The following SFTPC variants were observed in gnomAD, a reference collection of about 807,000 sequenced individuals.
SFTPC encodes the protein BRICHOS domain containing 6.
Under a neutral mutation model 19.9 loss-of-function variants are expected in SFTPC, and 12 were observed. The observed-to-expected ratio is 0.60, with a 90% CI of 0.39 to 0.98. The LOEUF is 0.98. Among genes scored for constraint, SFTPC ranks in the 50% least tolerant of loss-of-function variants. The probability of loss-of-function intolerance (pLI) is 0.00; values close to 1 mark genes in which losing one functional copy is unlikely to be tolerated. For synonymous variants in SFTPC, 123 were observed against 103.3 expected (o/e 1.19, Z -1.16); for missense variants, 219 against 252.2 (o/e 0.87, Z 0.89).
At chr8:22,159,794 G>C (rs1375358554), upstream of SFTPC, 3 of 1,289,374 alleles carry the variant, frequency 2.3e-6, no homozygotes, top group African/African-American at 3.0e-5. Flanking sequence ...GGGACCCCGA[G>C]ATGCCTGCAG....
chr8:22,161,970 C>A (rs1827747904), intron 1 of SFTPC, 100 bp downstream of exon 1: 5 of 1,222,176 alleles, frequency 4.1e-6, no homozygotes, highest in South Asian at 3.7e-5. Flanking sequence ...TTATCCAGAT[C>A]CATTCACTCA....
At chr8:22,159,891 G>T, upstream of SFTPC, 1 of 1,159,842 alleles carries the variant, frequency 8.6e-7, no homozygotes, top group Non-Finnish European at 1.1e-6. Context: ...TTGCCAGGAT[G>T]ATGGGGGCGG....
Position 22,164,334 on chromosome 8 carries a change from GGCAAGAAGC to G in SFTPC, c.*88_*96del, listed in dbSNP as rs1223167942. 2.0e-6 allele frequency: 3 copies of G among 1,536,162 alleles called. No homozygotes were observed. The highest frequency in any genetic ancestry group is 2.6e-6 in the Non-Finnish European group (3 of 1,146,908). Reference sequence around the variant, plus strand: ...GGGTCTTTTGCAGCTTTTGCAGACGGGCAAGAAGCTGCTTCTGCCCACACCGCAGGGACA... The same window carrying G: ...GGGTCTTTTGCAGCTTTTGCAGACGGTGCTTCTGCCCACACCGCAGGGACA... On this transcript the variant is annotated 3_prime_UTR_variant, in exon 6 of 6. Transcript: ENST00000679463.
At chr8:22,157,472 C>A (rs1827543199), upstream of SFTPC, 1 of 155,262 alleles carries the variant, frequency 6.4e-6, no homozygotes, top group African/African-American at 2.4e-5. Flanking sequence ...TTAATCCTCT[C>A]AATCGTTTGA....
Position 22,163,171 on chromosome 8 carries a change from C to T in SFTPC, c.293C>T (p.Ser98Phe). Residue 98 changes from serine to phenylalanine, a missense_variant, in exon 3 of 6, where the codon TCC becomes TTC. By Grantham distance (155) the Ser-to-Phe change is radical. Coordinates refer to ENST00000679463, the MANE Select transcript of SFTPC (RefSeq NM_001317778.2). Reference protein sequence around the residue: ...LVTTATFSIGSTGLVVYDYQQ... With the variant: ...LVTTATFSIGFTGLVVYDYQQ... ...ACCACTGCCACCTTCTCCATCGGCT[C>T]CACTGGCCTCGTGGTGTATGACTAC... 6.2e-7 allele frequency: 1 copy of T among 1,614,212 alleles called. No individual in the cohort carries two copies. Among genetic ancestry groups the T allele is most frequent in the Non-Finnish European group, 8.5e-7 (1 of 1,180,046 alleles).
rs565516076 is a variant in SFTPC, at chr8:22,162,217, GA to G, written c.42+349del. Among the ~76,000 whole-genome samples, 20 of 152,286 alleles carry G rather than the reference GA, an allele frequency of 1.3e-4. 1 individual carries two copies. In the South Asian group the frequency reaches 4.1e-3, roughly 32 times the overall value. ...AGGAGCTCGCCCGGTGGAGAAGGAGGAAGGCATTCCAGGAAGGAGGGAGACT... is the reference window on the plus strand; with the variant it reads ...AGGAGCTCGCCCGGTGGAGAAGGAGGAGGCATTCCAGGAAGGAGGGAGACT... On this transcript the variant is annotated intron_variant, in intron 1 of 5. Transcript: ENST00000679463.
chr8:22,161,725 A>C (rs1827726558), upstream of SFTPC: 1 of 1,611,362 alleles, frequency 6.2e-7, no homozygotes, highest in Non-Finnish European at 8.5e-7. Context: ...GCTGGCACAC[A>C]GGGGGCTTGG....
At chr8:22,160,626 A>C (rs1273565070), upstream of SFTPC, among the ~76,000 whole-genome samples, 2 of 152,060 alleles carry the variant, frequency 1.3e-5, no homozygotes, top group African/African-American at 4.8e-5. Context: ...AAAACAAAAC[A>C]AAACAAAACA....
At chr8:22,158,654 T>C (rs990776308), upstream of SFTPC, 11 of 152,246 alleles carry the variant, frequency 7.2e-5, no homozygotes, top group Non-Finnish European at 1.5e-4. Context: ...CCCATGATGC[T>C]ATTAGGTCCT....
Position 22,163,069 on chromosome 8 carries a change from C to G in SFTPC, c.202-11C>G, listed in dbSNP as rs1160642368. 4.3e-6 allele frequency: 7 copies of G among 1,613,850 alleles called. No individual in the cohort carries two copies. Among genetic ancestry groups the G allele is most frequent in the Non-Finnish European group, 5.9e-6 (7 of 1,179,950 alleles). On this transcript the variant is annotated splice_polypyrimidine_tract_variant and intron_variant, in intron 2 of 5. Coordinates refer to ENST00000679463, the MANE Select transcript of SFTPC (RefSeq NM_001317778.2). ...AGGGGAAGACCAGGTGGCTCCATGC[C>G]CTTTCCCCAGGTTCTGGAGATGAGC...
upstream of SFTPC, among the ~76,000 whole-genome samples, chr8:22,158,083 G>A (rs1355086441): frequency 6.6e-6 from 1 of 152,190 alleles, no homozygotes; most frequent in African/African-American, 2.4e-5. Flanking sequence ...AGAGCTCATA[G>A]GCACGGGGCA....
intron 5 of SFTPC, 22 bp downstream of exon 5, chr8:22,164,081 T>C: frequency 6.2e-7 from 1 of 1,611,418 alleles, no homozygotes; most frequent in African/African-American, 1.3e-5. Context: ...GGGCCCCTGA[T>C]CAGCAGCGGA....
chr8:22,161,867 G>A lies in SFTPC; in HGVS notation c.39G>A (p.Pro13=), dbSNP rs532360636. 1.3e-5 allele frequency: 21 copies of A among 1,613,994 alleles called. 1 individual carries two copies. Among genetic ancestry groups the A allele is most frequent in the Admixed American group, 6.7e-5 (4 of 60,028 alleles). ...VGSKEVLMES[P]PDYSAAPRGR... is the part of the protein sequence containing the mutation. ...GCAAAGAGGTCCTGATGGAGAGCCC[G>A]CCGGTGAGTGTGGTTGCGTGTGTGT... Residue 13 remains proline (P), a synonymous_variant, in exon 1 of 6, where the codon CCG becomes CCA. Transcript: ENST00000679463.
In SFTPC at chr8:22,163,917, C is replaced by T. The variant is rs1488690638; in HGVS notation, c.452C>T (p.Pro151Leu). 3 of 1,613,876 alleles carry T rather than the reference C, an allele frequency of 1.9e-6. No individual in the cohort carries two copies. In the East Asian group the frequency reaches 6.7e-5, roughly 36 times the overall value. Residue 151 changes from proline (P) to leucine (L), a missense_variant, in exon 5 of 6, where the codon CCT (proline) becomes CTT (leucine). By Grantham distance (98) the Pro-to-Leu change is moderately conservative. Transcript: ENST00000679463. Reference sequence around the variant, plus strand: ...TCTCTGCAGGCCAAGCCCGCAGTGCCTACGTCTAAGCTGGGCCAGGCAGAG... The same window carrying T: ...TCTCTGCAGGCCAAGCCCGCAGTGCTTACGTCTAAGCTGGGCCAGGCAGAG... ...VHNFQAKPAV[P>L]TSKLGQAEGR...
At chr8:22,161,912 C>T in intron 1 of SFTPC, 42 bp downstream of exon 1, 1 of 1,593,868 alleles carries the variant, frequency 6.3e-7, no homozygotes, top group Non-Finnish European at 8.6e-7. Flanking sequence ...TGCGCGCGCA[C>T]ATGTGTGTGA....
At position 22,163,525 on chromosome 8, in the gene SFTPC, T is replaced by C. The variant is rs778451328; in HGVS notation, c.414T>C (p.Thr138=). 3.1e-6 allele frequency: 5 copies of C among 1,612,272 alleles called. No individual in the cohort carries two copies. The highest frequency in any genetic ancestry group is 1.1e-5 in the South Asian group (1 of 91,030). The part of the protein sequence containing the change: ...PESIPSLEAL[T]RKVHNFQAKP... ...GCATCCCCAGTCTTGAGGCTCTCAC[T>C]AGAAAAGTCCACAACTTCCAGGTGT... Residue 138 remains threonine, a synonymous_variant, in exon 4 of 6, where the codon ACT becomes ACC. Transcript: ENST00000679463.
rs773257848 is a variant in SFTPC at position 22,161,802 on chromosome 8, AGAG to A, written c.-23_-21del. On this transcript the variant is annotated 5_prime_UTR_variant, in exon 1 of 6. Coordinates refer to ENST00000679463, the MANE Select transcript of SFTPC (RefSeq NM_001317778.2). ...CCCTGGTCACACCTGGGAGAGGAGG[AGAG>A]GAGAGCATAGCACCTGCAGCAAGAT... 1.6e-5 allele frequency: 26 copies of A among 1,613,886 alleles called. No homozygotes were observed. The highest frequency in any genetic ancestry group is 2.1e-5 in the Non-Finnish European group (25 of 1,180,018).
chr8:22,163,568 G>A (rs765421401), intron 4 of SFTPC, 22 bp downstream of exon 4: 3 of 1,533,458 alleles, frequency 2.0e-6, no homozygotes, highest in African/African-American at 1.4e-5. Flanking sequence ...TGGGTGAAAA[G>A]AGTGGGCTGT....
chr8:22,159,977 C>T, upstream of SFTPC: 1 of 530,110 alleles, frequency 1.9e-6, no homozygotes, highest in South Asian at 1.8e-5. Context: ...CTGCACACAG[C>T]TGAGGCCGAG....
Sources: allele counts gnomAD v4.1 joint callset (sites outside exome capture counted in the v4.1 genomes callset), GRCh38; gene constraint gnomAD v4.1.1; transcripts MANE v1.5; gene names NCBI Gene and HGNC (gene_info 2026-07-23, HGNC 2026-07-21).